Variants in TIMP2 observed in about 807,000 individuals in gnomAD.
TIMP2 encodes TIMP metallopeptidase inhibitor 2, also known as metalloproteinase inhibitor 2.
Under a neutral mutation model 24.3 loss-of-function variants are expected in TIMP2, and 5 were observed. The ratio of observed to expected loss-of-function variants is 0.21; its 90% CI spans 0.11 to 0.43. The LOEUF is 0.43. TIMP2 is among the 20% of genes least tolerant of loss of function. TIMP2 has a pLI of 1.00. For synonymous variants in TIMP2, 130 were observed against 123.2 expected (o/e 1.06, Z -0.37); for missense variants, 221 against 297.5 (o/e 0.74, Z 1.89).
At chr17:78,893,090 G>A (rs758831380) in intron 1 of TIMP2, among the ~76,000 whole-genome samples, 1 of 151,232 alleles carries the variant, frequency 6.6e-6, no homozygotes, top group Non-Finnish European at 1.5e-5. Flanking sequence ...CGCGTGTGCA[G>A]GGGTGTGTGT....
intron 1 of TIMP2, chr17:78,874,196 C>T: frequency 2.3e-6 from 1 of 440,966 alleles, no homozygotes; most frequent in South Asian, 3.5e-5. Flanking sequence ...GCCCAGAGTC[C>T]CTTGTGACCA....
At position 78,916,723 on chromosome 17, in the gene TIMP2, T is replaced by C. The variant is rs2070261819; in HGVS notation, c.130+8236A>G. On this transcript the variant is annotated intron_variant, in intron 1 of 4. Coordinates refer to ENST00000262768, the MANE Select transcript of TIMP2 (RefSeq NM_003255.5). ...CCCCAGTGCAGGGGCCATAAAGCCT[T>C]CCCCGGAGTCCCACTGCCAGGTCCC... Among the ~76,000 whole-genome samples the C allele has an allele frequency of 2.0e-5, 3 of 152,034 alleles. No homozygotes were observed. The South Asian group carries it at 6.2e-4, about 32-fold the overall frequency.
At chr17:78,911,368 T>C (rs1409342359) in intron 1 of TIMP2, among the ~76,000 whole-genome samples, 1 of 152,168 alleles carries the variant, frequency 6.6e-6, no homozygotes, top group Non-Finnish European at 1.5e-5. Flanking sequence ...CTCAACATTC[T>C]AGAAGGGTCT....
At chr17:78,857,677 G>A (rs941181997) in intron 3 of TIMP2, 31 bp from the exon 4 acceptor site, 1 of 1,613,424 alleles carries the variant, frequency 6.2e-7, no homozygotes, top group Non-Finnish European at 8.5e-7. Context: ...CCGAGCTCAG[G>A]GAGAGGGAAA....
At chr17:78,901,646 C>T (rs1370747355) in intron 1 of TIMP2, 1 of 702,206 alleles carries the variant, frequency 1.4e-6, no homozygotes, top group Non-Finnish European at 2.6e-6. Flanking sequence ...TGACCTAGGC[C>T]AAGCGACTTC....
chr17:78,878,997 G>C (rs1024786020), intron 1 of TIMP2, among the ~76,000 whole-genome samples: 16 of 152,240 alleles, frequency 1.1e-4, no homozygotes, highest in African/African-American at 2.9e-4. Flanking sequence ...ATGAAGGAGA[G>C]GGGCCAGCTG....
intron 3 of TIMP2, 61 bp downstream of exon 3, chr17:78,870,837 G>A (rs192326708): frequency 4.3e-5 from 62 of 1,441,116 alleles, no homozygotes; most frequent in Middle Eastern, 4.3e-4. Flanking sequence ...GCCCTGGACC[G>A]CGTCTAGGAA....
chr17:78,885,030 A>G (rs1008141791), intron 1 of TIMP2, among the ~76,000 whole-genome samples: 118 of 152,324 alleles, frequency 7.7e-4, no homozygotes, highest in African/African-American at 2.8e-3. Flanking sequence ...AGCACCTGCC[A>G]GACCCTGCTG....
At position 78,891,427 on chromosome 17, in the gene TIMP2, C is replaced by T; in HGVS notation, c.131-17508G>A. On this transcript the variant is annotated intron_variant, in intron 1 of 4. Transcript: ENST00000262768. This position sits in a 1 kb window ranked among gnomAD's most constrained non-coding sequence, Gnocchi z 4.5. ...TGGGCTTCAGTGCCAGGTACAAGCA[C>T]AGGTGTTTTTTCAGCTTTCTGTTTA... 1 of 1,550,888 alleles carries T rather than the reference C, an allele frequency of 6.4e-7. No homozygotes were observed. The highest frequency in any genetic ancestry group is 8.7e-7 in the Non-Finnish European group (1 of 1,147,060).
chr17:78,902,913 A>T (rs1404954224), intron 1 of TIMP2: 1 of 151,422 alleles, frequency 6.6e-6, no homozygotes, highest in Non-Finnish European at 1.5e-5. Flanking sequence ...AGCTTCCCTC[A>T]CTCTCCTTCC....
At chr17:78,913,733 AC>A (rs2070229239) in intron 1 of TIMP2, among the ~76,000 whole-genome samples, 1 of 151,698 alleles carries the variant, frequency 6.6e-6, no homozygotes, top group East Asian at 1.9e-4. Flanking sequence ...ACAAAAAAAA[AC>A]AAAAAACATA....
intron 4 of TIMP2, 158 bp downstream of exon 4, chr17:78,857,364 C>A (rs572811047): frequency 1.5e-5 from 14 of 965,114 alleles, no homozygotes; most frequent in Admixed American, 7.7e-5. Context: ...CCCAGCCAGA[C>A]AGCCTTACTC....
rs575757729 is a variant in TIMP2, at chr17:78,919,750, G to A, written c.130+5209C>T. 4.6e-5 allele frequency among the ~76,000 whole-genome samples: 7 copies of A among 152,268 alleles called. No homozygotes were observed. In the South Asian group the frequency reaches 1.2e-3, roughly 27 times the overall value. On this transcript the variant is annotated intron_variant, in intron 1 of 4. Coordinates refer to ENST00000262768, the MANE Select transcript of TIMP2 (RefSeq NM_003255.5). ...CTCGGGAGGCTGAGGCAGGAGAATGGCGTGAACCCGGGAGGCGGAGCTTGC... is the reference window on the plus strand; with the variant it reads ...CTCGGGAGGCTGAGGCAGGAGAATGACGTGAACCCGGGAGGCGGAGCTTGC...
At chr17:78,867,464 A>C (rs1164508474) in intron 3 of TIMP2, among the ~76,000 whole-genome samples, 1 of 151,824 alleles carries the variant, frequency 6.6e-6, no homozygotes, top group Non-Finnish European at 1.5e-5. Context: ...TCCCTGCCCA[A>C]CTCACAGCCC....
intron 3 of TIMP2, among the ~76,000 whole-genome samples, chr17:78,865,318 C>A (rs1298533645): frequency 6.6e-6 from 1 of 152,052 alleles, no homozygotes; most frequent in Non-Finnish European, 1.5e-5. Context: ...GATAGTTACA[C>A]AACACTGTGA....
rs79675460 is a variant in TIMP2 at position 78,907,735 on chromosome 17, T to C, written c.130+17224A>G. 3.3e-5 allele frequency among the ~76,000 whole-genome samples: 5 copies of C among 152,192 alleles called. No individual in the cohort carries two copies. In the East Asian group the frequency reaches 7.7e-4, roughly 24 times the overall value. On this transcript the variant is annotated intron_variant, in intron 1 of 4. Transcript: ENST00000262768. ...AAAACGCAGTATCTGCAGAGCACAATATAGCGAAGTCCAGTAAAACAGGTG... is the reference window on the plus strand; with the variant it reads ...AAAACGCAGTATCTGCAGAGCACAACATAGCGAAGTCCAGTAAAACAGGTG...
chr17:78,922,488 TG>T (rs1457985085), intron 1 of TIMP2: 1 of 152,216 alleles, frequency 6.6e-6, no homozygotes, highest in Non-Finnish European at 1.5e-5. Context: ...TGGATTAGGG[TG>T]GGCCCTAAAT....
chr17:78,890,589 G>A (rs1233692365), intron 1 of TIMP2: 4 of 1,513,792 alleles, frequency 2.6e-6, no homozygotes, highest in Non-Finnish European at 3.6e-6. Flanking sequence ...TACCAGTGCT[G>A]GCAGCACCAT....
chr17:78,856,223 G>A (rs1465841084), intron 4 of TIMP2: 1 of 278,368 alleles, frequency 3.6e-6, no homozygotes, highest in Non-Finnish European at 7.0e-6. Flanking sequence ...TTCCAGCCCA[G>A]TGTTGCTCGC....
Sources: allele counts gnomAD v4.1 joint callset (sites outside exome capture counted in the v4.1 genomes callset), GRCh38; gene constraint gnomAD v4.1.1; non-coding constraint Gnocchi (gnomAD v3.1); transcripts MANE v1.5; gene names NCBI Gene and HGNC (gene_info 2026-07-23, HGNC 2026-07-21).